Variants in KHDRBS3 observed in about 807,000 individuals in gnomAD.
KHDRBS3 encodes the protein KH domain-containing, RNA-binding, signal transduction-associated protein 3.
Under a neutral mutation model 45.6 loss-of-function variants are expected in KHDRBS3, and 23 were observed. The ratio of observed to expected loss-of-function variants is 0.50; its 90% confidence interval spans 0.36 to 0.72. The LOEUF (loss-of-function observed/expected upper bound fraction) is 0.72, where lower values mean the gene tolerates loss of function less well. KHDRBS3 is among the 30% of genes least tolerant of loss of function. KHDRBS3 has a pLI of 0.00. For missense variants in KHDRBS3, 352 were observed against 424.8 expected (o/e 0.83, Z 1.51); for synonymous variants, 162 against 156.5 (o/e 1.04, Z -0.26).
At position 135,457,969 on chromosome 8, in the gene KHDRBS3, G is replaced by T. The variant is rs779812408; in HGVS notation, c.88+15G>T. The T allele has an allele frequency of 2.5e-6, 4 of 1,578,110 alleles. No individual in the cohort carries two copies. The Admixed American group carries it at 5.4e-5, about 21-fold the overall frequency. On this transcript the variant is annotated intron_variant, in intron 1 of 8. Transcript: ENST00000355849. The surrounding 1 kb of genome is among the most constrained non-coding windows in gnomAD (Gnocchi z 4.4). ...GGTGAACCAAGGTGAGGCGCCGGCC[G>T]TTAACTGCCGGCCGGCGGCGGTTGG...
chr8:135,619,586 T>C (rs1185359866), intron 7 of KHDRBS3, among the ~76,000 whole-genome samples: 2 of 152,124 alleles, frequency 1.3e-5, no homozygotes, highest in African/African-American at 4.8e-5. Flanking sequence ...CCTCATGGGG[T>C]TGTTGTAAAG....
At chr8:135,539,619 A>G (rs940330725) in intron 2 of KHDRBS3, 3 of 152,234 alleles carry the variant, frequency 2.0e-5, no homozygotes, top group Non-Finnish European at 4.4e-5. Context: ...TGATTTTCGT[A>G]TACTTTCTTA....
At chr8:135,458,953 C>T (rs1168691828) in intron 1 of KHDRBS3, 1 of 456,212 alleles carries the variant, frequency 2.2e-6, no homozygotes, top group East Asian at 6.9e-5. Context: ...CCTACTTTTC[C>T]TGGAATATGT....
At chr8:135,524,604 T>C (rs1825084876) in intron 2 of KHDRBS3, among the ~76,000 whole-genome samples, 1 of 152,138 alleles carries the variant, frequency 6.6e-6, no homozygotes. Context: ...CTACTTCAAT[T>C]CTTTTTCTGA....
rs764824090 is a variant in KHDRBS3 at position 135,645,112 on chromosome 8, C to G, written c.944C>G (p.Ser315Cys). Residue 315 changes from serine to cysteine, a missense_variant, in exon 8 of 9, where the codon TCC becomes TGC. This residue lies in a region of KHDRBS3 where 212 missense variants were observed against 209.6 expected (regional missense o/e 1.01). Coordinates refer to ENST00000355849, the MANE Select transcript of KHDRBS3 (RefSeq NM_006558.3). Reference sequence around the variant, plus strand: ...GGACTCAGTGAGGAGACTTATGATTCCTACGGTGAGTGACTGGCCAGAGCA... The same window carrying G: ...GGACTCAGTGAGGAGACTTATGATTGCTACGGTGAGTGACTGGCCAGAGCA... Reference protein sequence around the residue: ...GHGLSEETYDSYGQEEWTNSR... With the variant: ...GHGLSEETYDCYGQEEWTNSR... 18 of 1,613,276 alleles carry G rather than the reference C, an allele frequency of 1.1e-5. No homozygotes were observed. Among genetic ancestry groups the G allele is most frequent in the Admixed American group, 1.7e-5 (1 of 59,962 alleles).
chr8:135,620,994 G>T (rs755560890), intron 7 of KHDRBS3, among the ~76,000 whole-genome samples: 1 of 152,210 alleles, frequency 6.6e-6, no homozygotes, highest in South Asian at 2.1e-4. Context: ...AATTGATAAC[G>T]TGTAAGTTTG....
Position 135,515,365 on chromosome 8 carries a change from T to TAAAAAAAAAAAAAAAAAAAAAAAAA in KHDRBS3, c.89-5859_89-5835dup, listed in dbSNP as rs59502823. 7.6e-5 allele frequency among the ~76,000 whole-genome samples: 3 copies of TAAAAAAAAAAAAAAAAAAAAAAAAA among 39,716 alleles called. 1 individual carries two copies. Among genetic ancestry groups the TAAAAAAAAAAAAAAAAAAAAAAAAA allele is most frequent in the Non-Finnish European group, 1.4e-4 (3 of 20,790 alleles). 26.1% of individuals were successfully genotyped at this position (39,716 alleles called of 152,430 possible). ...TGGGCGACAGAGCGAGACTCCGTCTTAAAAAAAAAAAAAAAAAAAAAAAAA... is the reference window on the plus strand; with the variant it reads ...TGGGCGACAGAGCGAGACTCCGTCTTAAAAAAAAAAAAAAAAAAAAAAAAAAAAAAAAAAAAAAAAAAAAAAAAAA... On this transcript the variant is annotated intron_variant, in intron 1 of 8. Transcript: ENST00000355849.
At chr8:135,606,636 A>G (rs1185245474) in intron 6 of KHDRBS3, among the ~76,000 whole-genome samples, 1 of 152,126 alleles carries the variant, frequency 6.6e-6, no homozygotes, top group African/African-American at 2.4e-5. Context: ...GAATAGCGCA[A>G]AGCTCACTGT....
chr8:135,546,734 G>A (rs1826322786), intron 3 of KHDRBS3, among the ~76,000 whole-genome samples: 1 of 152,134 alleles, frequency 6.6e-6, no homozygotes, highest in Admixed American at 6.6e-5. Flanking sequence ...CCTTTAAGAT[G>A]AGGGTAATGT....
rs1011021228 is a variant in KHDRBS3, at chr8:135,506,588, G to C, written c.89-14649G>C. 4.6e-5 allele frequency among the ~76,000 whole-genome samples: 7 copies of C among 152,090 alleles called. No homozygotes were observed. The East Asian group carries it at 1.4e-3, about 29-fold the overall frequency. Reference sequence around the variant, plus strand: ...CTGGCTAATTTTTGTATTTTTAGTAGAGACGGGGTGTCACCATACTGGCCA... The same window carrying C: ...CTGGCTAATTTTTGTATTTTTAGTACAGACGGGGTGTCACCATACTGGCCA... On this transcript the variant is annotated intron_variant, in intron 1 of 8. Transcript: ENST00000355849.
chr8:135,571,798 TACTC>T (rs921712318), intron 5 of KHDRBS3, among the ~76,000 whole-genome samples: 76 of 152,126 alleles, frequency 5.0e-4, no homozygotes, highest in African/African-American at 1.7e-3. Context: ...CCCTAACTCT[TACTC>T]ACTGTGTGGC....
At chr8:135,491,626 T>C (rs1823155672) in intron 1 of KHDRBS3, among the ~76,000 whole-genome samples, 1 of 152,290 alleles carries the variant, frequency 6.6e-6, no homozygotes, top group Non-Finnish European at 1.5e-5. Flanking sequence ...AGTGGTTTTC[T>C]TGGTTGGAGA....
intron 7 of KHDRBS3, among the ~76,000 whole-genome samples, chr8:135,635,407 C>T (rs926678623): frequency 4.6e-5 from 7 of 151,354 alleles, no homozygotes; most frequent in African/African-American, 7.3e-5. Context: ...GTTTTTGAGA[C>T]GGAGTCTTGC....
At chr8:135,605,313 C>G (rs1829408954) in intron 6 of KHDRBS3, among the ~76,000 whole-genome samples, 1 of 152,014 alleles carries the variant, frequency 6.6e-6, no homozygotes, top group Non-Finnish European at 1.5e-5. Flanking sequence ...CTCTGATACT[C>G]TGTTCATTCA....
At chr8:135,629,172 G>T (rs1044232604) in intron 7 of KHDRBS3, among the ~76,000 whole-genome samples, 1 of 152,178 alleles carries the variant, frequency 6.6e-6, no homozygotes, top group Non-Finnish European at 1.5e-5. Context: ...CAATTCTCTG[G>T]CAAACCTGTG....
intron 6 of KHDRBS3, among the ~76,000 whole-genome samples, chr8:135,600,952 C>T (rs1164479717): frequency 6.6e-6 from 1 of 152,170 alleles, no homozygotes; most frequent in Non-Finnish European, 1.5e-5. Context: ...GTCTGCCCAC[C>T]TCAGCCTTCC....
rs752949581 is a variant in KHDRBS3, at chr8:135,581,946, G to A, written c.680G>A (p.Gly227Glu). 2 of 1,613,404 alleles carry A rather than the reference G, an allele frequency of 1.2e-6. No homozygotes were observed. The highest frequency in any genetic ancestry group is 2.2e-5 in the South Asian group (2 of 90,918). ...CCACGAGGGACGCCAACTCCCAGAG[G>A]AGTCCTGTCCACCCGAGGGCCAGTG... Reference protein sequence around the residue: ...VVPRGTPTPRGVLSTRGPVSR... With the variant: ...VVPRGTPTPREVLSTRGPVSR... The change falls in exon 6 of 9, where the codon GGA becomes GAA. Residue 227 changes from glycine (G) to glutamate (E), a missense_variant. Physicochemically the swap from Gly to Glu is moderately conservative, Grantham distance 98 (BLOSUM62 -2). Around this residue, in one of 6 missense-constraint regions of KHDRBS3, gnomAD observed 212 missense variants for 209.6 expected, o/e 1.01. Coordinates refer to ENST00000355849, the MANE Select transcript of KHDRBS3 (RefSeq NM_006558.3).
chr8:135,619,077 C>T lies in KHDRBS3; in HGVS notation c.890+12040C>T, dbSNP rs369684221. ...CACTGCAAGTGTAAAGGCATAAATG[C>T]TTTGCTTTTTTGTTCGTTGTTTCTT... On this transcript the variant is annotated intron_variant, in intron 7 of 8. Coordinates refer to ENST00000355849, the MANE Select transcript of KHDRBS3 (RefSeq NM_006558.3). Among the ~76,000 whole-genome samples the T allele has an allele frequency of 8.5e-5, 13 of 152,242 alleles. No homozygotes were observed. In the East Asian group the frequency reaches 2.3e-3, roughly 27 times the overall value.
intron 1 of KHDRBS3, among the ~76,000 whole-genome samples, chr8:135,478,303 G>T (rs551570110): frequency 1.3e-5 from 2 of 152,330 alleles, no homozygotes; most frequent in South Asian, 4.2e-4. Context: ...CACTAAGTTT[G>T]TAATAATTTG....
Sources: allele counts gnomAD v4.1 joint callset (sites outside exome capture counted in the v4.1 genomes callset), GRCh38; gene constraint gnomAD v4.1.1; regional missense constraint gnomAD v4.1.1; non-coding constraint Gnocchi (gnomAD v3.1); transcripts MANE v1.5; gene names NCBI Gene and HGNC (gene_info 2026-07-23, HGNC 2026-07-21).